The following GULP1 variants were observed in gnomAD, a reference collection of about 807,000 sequenced individuals.
GULP1 encodes the protein GULP PTB domain containing engulfment adaptor 1.
In GULP1, 19 loss-of-function variants were observed where a neutral mutation model predicts 40.9. That is an observed-to-expected ratio of 0.46 (90% CI 0.32 to 0.68). The LOEUF (loss-of-function observed/expected upper bound fraction) is 0.68, where lower values mean the gene tolerates loss of function less well. GULP1 is among the 30% of genes least tolerant of loss of function. The pLI is 0.03. For missense variants in GULP1, 312 were observed against 362.2 expected, an observed-to-expected ratio of 0.86 and a Z score of 1.12; for synonymous variants, 119 against 117.6, an observed-to-expected ratio of 1.01 and a Z score of -0.08.
intron 1 of GULP1, among the ~76,000 whole-genome samples, chr2:188,350,970 G>A (rs1416115913): frequency 2.0e-5 from 3 of 151,978 alleles, no homozygotes; most frequent in African/African-American, 7.2e-5. Flanking sequence ...ATAGCTCCAA[G>A]GAAAATATAG....
intron 4 of GULP1, among the ~76,000 whole-genome samples, chr2:188,515,738 T>A (rs1291227654): frequency 6.6e-6 from 1 of 150,632 alleles, no homozygotes; most frequent in African/African-American, 2.4e-5. Context: ...CACACACTCA[T>A]GAGGATAAAA....
At chr2:188,393,029 T>A (rs2050733677) in intron 2 of GULP1, among the ~76,000 whole-genome samples, 3 of 152,066 alleles carry the variant, frequency 2.0e-5, no homozygotes, top group Non-Finnish European at 2.9e-5. Flanking sequence ...GAATGTTTCA[T>A]GAGCTGATGA....
rs1685182863 is a variant in GULP1 at position 188,522,782 on chromosome 2, G to C, written c.117G>C (p.Gln39His). The C allele has an allele frequency of 6.2e-7, 1 of 1,612,020 alleles. No homozygotes were observed. Among genetic ancestry groups the C allele is most frequent in the Non-Finnish European group, 8.5e-7 (1 of 1,178,320 alleles). Residue 39 changes from glutamine (Q) to histidine (H), a missense_variant, in exon 5 of 12, where the codon CAG (glutamine) becomes CAC (histidine). Coordinates refer to ENST00000409830, the MANE Select transcript of GULP1 (RefSeq NM_016315.4). The stretch of plus-strand genomic sequence containing the variant: ...TTCTTGGCAGTACAGAAGTGGAACA[G>C]CCAAAAGGAACAGAAGTTGTGAGAG... ...AKFLGSTEVE[Q>H]PKGTEVVRDA...
chr2:188,333,503 G>T (rs549471494), intron 1 of GULP1, among the ~76,000 whole-genome samples: 1 of 152,032 alleles, frequency 6.6e-6, no homozygotes, highest in Non-Finnish European at 1.5e-5. Context: ...TAGTAATTAT[G>T]TACAGCATCT....
chr2:188,466,327 G>T (rs2060121613), intron 2 of GULP1: 1 of 151,026 alleles, frequency 6.6e-6, no homozygotes, highest in Admixed American at 6.6e-5. Context: ...ACCCAGGCTG[G>T]AGTGCAGTGG....
At chr2:188,533,045 CT>C (rs1385586621) in intron 6 of GULP1, among the ~76,000 whole-genome samples, 1 of 152,114 alleles carries the variant, frequency 6.6e-6, no homozygotes, top group Non-Finnish European at 1.5e-5. Context: ...AGAAACCTAC[CT>C]TTATGAAACC....
chr2:188,303,434 G>GT (rs1342018104), intron 1 of GULP1, among the ~76,000 whole-genome samples: 1 of 152,166 alleles, frequency 6.6e-6, no homozygotes, highest in Non-Finnish European at 1.5e-5. Context: ...TAATGGGCAG[G>GT]TTTGCTGGGA....
chr2:188,468,039 C>T (rs972091571), intron 2 of GULP1, among the ~76,000 whole-genome samples: 3 of 152,030 alleles, frequency 2.0e-5, no homozygotes, highest in African/African-American at 7.2e-5. Flanking sequence ...CAATCAACAG[C>T]GTTTGCTTGA....
At chr2:188,439,269 C>T (rs968016402) in intron 2 of GULP1, among the ~76,000 whole-genome samples, 1 of 151,096 alleles carries the variant, frequency 6.6e-6, no homozygotes, top group Admixed American at 6.6e-5. Flanking sequence ...ATGAAGAAAC[C>T]TTAAAGAACA....
chr2:188,507,700 G>A (rs1250597675), intron 4 of GULP1, among the ~76,000 whole-genome samples: 3 of 151,880 alleles, frequency 2.0e-5, no homozygotes, highest in South Asian at 2.1e-4. Context: ...CTGAAATTAC[G>A]TTAAGTGGTT....
intron 1 of GULP1, chr2:188,293,280 A>G (rs1375209272): frequency 6.6e-6 from 1 of 152,186 alleles, no homozygotes; most frequent in South Asian, 2.1e-4. Flanking sequence ...TTTTACATGC[A>G]CTATTTCAAT....
chr2:188,588,183 G>T (rs1428618817), intron 11 of GULP1: 2 of 492,266 alleles, frequency 4.1e-6, no homozygotes, highest in African/African-American at 2.0e-5. Flanking sequence ...CAATAAGATG[G>T]TTCATTTTTT....
intron 1 of GULP1, among the ~76,000 whole-genome samples, chr2:188,324,774 T>A (rs2151968535): frequency 6.6e-6 from 1 of 152,008 alleles, no homozygotes; most frequent in South Asian, 2.1e-4. Flanking sequence ...GACATTACAC[T>A]CTGAGTAAAA....
intron 1 of GULP1, among the ~76,000 whole-genome samples, chr2:188,351,492 T>C (rs35964306): frequency 0.49 from 74,315 of 151,900 alleles, 18,662 homozygotes; most frequent in East Asian, 0.72. Flanking sequence ...CTACCATTGA[T>C]CCAACTCATG....
intron 1 of GULP1, among the ~76,000 whole-genome samples, chr2:188,354,675 G>A (rs1279550635): frequency 1.3e-5 from 2 of 152,120 alleles, no homozygotes; most frequent in African/African-American, 4.8e-5. Context: ...TCTCCCCATT[G>A]TGGGGAAAAT....
chr2:188,404,213 T>C (rs1163968983), intron 2 of GULP1, among the ~76,000 whole-genome samples: 2 of 152,148 alleles, frequency 1.3e-5, no homozygotes, highest in Non-Finnish European at 2.9e-5. Context: ...TTCATAATTA[T>C]AAAGACTGGT....
At chr2:188,529,644 A>G (rs1687061812) in intron 6 of GULP1, among the ~76,000 whole-genome samples, 1 of 152,168 alleles carries the variant, frequency 6.6e-6, no homozygotes, top group Non-Finnish European at 1.5e-5. Context: ...ACAGCAGAAA[A>G]TATTTTCTCA....
chr2:188,496,587 A>T (rs925521567), intron 4 of GULP1, among the ~76,000 whole-genome samples: 4 of 151,936 alleles, frequency 2.6e-5, no homozygotes, highest in South Asian at 4.1e-4. Flanking sequence ...GAGTGAGAAA[A>T]AAACCTTTAA....
chr2:188,493,586 T>G (rs899288181), intron 4 of GULP1, among the ~76,000 whole-genome samples: 1 of 152,066 alleles, frequency 6.6e-6, no homozygotes, highest in African/African-American at 2.4e-5. Flanking sequence ...AACATTTGTC[T>G]AGCAGACACA....
Sources: gnomAD v4.1 joint callset for allele counts (sites outside exome capture counted in the v4.1 genomes callset) on GRCh38, gnomAD v4.1.1 for gene constraint, MANE v1.5 for transcripts, NCBI Gene and HGNC (gene_info 2026-07-23, HGNC 2026-07-21) for gene names.